The following MGMT variants were observed in gnomAD, a reference collection of about 807,000 sequenced individuals.
MGMT encodes methylated-DNA--protein-cysteine methyltransferase.
A neutral mutation model predicts 15.9 loss-of-function variants in MGMT; 14 were observed. The ratio of observed to expected loss-of-function variants is 0.88; its 90% confidence interval spans 0.58 to 1.37. The LOEUF (loss-of-function observed/expected upper bound fraction) is 1.37, where lower values mean the gene tolerates loss of function less well. MGMT is among the 40% of genes most tolerant of loss of function. The pLI, the probability that MGMT is intolerant of heterozygous loss-of-function variation, is 0.00. For synonymous variants in MGMT, 130 were observed against 118.2 expected (o/e 1.10, Z -0.65); for missense variants, 282 against 268.1 (o/e 1.05, Z -0.36).
intron 2 of MGMT, among the ~76,000 whole-genome samples, chr10:129,657,651 G>A (rs149404961): frequency 0.026 from 3,824 of 147,648 alleles, 82 homozygotes; most frequent in South Asian, 0.063. Context: ...AGCTGGGGGG[G>A]GGACAGGCTG....
chr10:129,498,292 C>T (rs138911434), intron 1 of MGMT, among the ~76,000 whole-genome samples: 4 of 152,294 alleles, frequency 2.6e-5, no homozygotes, highest in Admixed American at 1.3e-4. Flanking sequence ...GAAGTTTTCC[C>T]ATTGGTAATT....
intron 1 of MGMT, among the ~76,000 whole-genome samples, chr10:129,468,887 G>A (rs1161540121): frequency 1.3e-5 from 2 of 152,000 alleles, no homozygotes; most frequent in Non-Finnish European, 2.9e-5. Flanking sequence ...CTGTCCTGAA[G>A]GGGAAACAAA....
At chr10:129,480,536 T>G (rs1475560943) in intron 1 of MGMT, among the ~76,000 whole-genome samples, 7 of 152,164 alleles carry the variant, frequency 4.6e-5, no homozygotes, top group Non-Finnish European at 2.9e-5. Flanking sequence ...CATTTAGTAT[T>G]GGGAAGCCAT....
intron 1 of MGMT, among the ~76,000 whole-genome samples, chr10:129,510,553 TG>T (rs1845670708): frequency 6.6e-6 from 1 of 151,264 alleles, no homozygotes; most frequent in Non-Finnish European, 1.5e-5. Context: ...TGTCATGCAT[TG>T]GGGGCTTGCT....
rs371029142 is a variant in MGMT at position 129,480,916 on chromosome 10, G to A, written c.-13+13620G>A. Among the ~76,000 whole-genome samples the A allele has an allele frequency of 2.6e-4, 39 of 152,370 alleles. 1 individual carries two copies. Among genetic ancestry groups the A allele is most frequent in the South Asian group, 2.3e-3 (11 of 4,832 alleles). On this transcript the variant is annotated intron_variant, in intron 1 of 4. Transcript: ENST00000651593. ...GTTGGTAAGTTCATCAGCAGTCTCTGCCATTTGCGGAGCCCTCCTGGTGGC... is the reference window on the plus strand; with the variant it reads ...GTTGGTAAGTTCATCAGCAGTCTCTACCATTTGCGGAGCCCTCCTGGTGGC...
intron 2 of MGMT, among the ~76,000 whole-genome samples, chr10:129,538,940 T>G (rs1477261249): frequency 1.3e-5 from 2 of 152,166 alleles, no homozygotes; most frequent in Non-Finnish European, 1.5e-5. Context: ...GGCCACCTTT[T>G]GCTCATTTTA....
At position 129,708,371 on chromosome 10, in the gene MGMT, C is replaced by T. The variant is rs553553936; in HGVS notation, c.274+328C>T. ...AATTTTTCAATAAGCTTATTGTGAA[C>T]TTCAACTATCTGCTTGCCAACAGCA... On this transcript the variant is annotated intron_variant, in intron 3 of 4. Transcript: ENST00000651593. 4.6e-5 allele frequency among the ~76,000 whole-genome samples: 7 copies of T among 152,330 alleles called. No homozygotes were observed. In the East Asian group the frequency reaches 1.4e-3, roughly 29 times the overall value.
chr10:129,525,410 G>A (rs1845858293), intron 1 of MGMT, among the ~76,000 whole-genome samples: 2 of 152,154 alleles, frequency 1.3e-5, no homozygotes, highest in Admixed American at 1.3e-4. Flanking sequence ...GGGATCTGAT[G>A]TGTAGGCATC....
At chr10:129,617,804 GT>G (rs1442673347) in intron 2 of MGMT, among the ~76,000 whole-genome samples, 1 of 151,930 alleles carries the variant, frequency 6.6e-6, no homozygotes, top group Non-Finnish European at 1.5e-5. Context: ...TTGTTAATTT[GT>G]TTAAGTTCTT....
chr10:129,646,754 A>ATTTTTTTTTTT (rs1554873525), intron 2 of MGMT, among the ~76,000 whole-genome samples: 125 of 86,432 alleles, frequency 1.4e-3, no homozygotes, highest in African/African-American at 3.3e-3. Flanking sequence ...ATATATATAT[A>ATTTTTTTTTTT]TTTTCAGGGA....
chr10:129,687,481 TAC>T (rs1847918023), intron 2 of MGMT, among the ~76,000 whole-genome samples: 1 of 152,216 alleles, frequency 6.6e-6, no homozygotes, highest in African/African-American at 2.4e-5. Flanking sequence ...TTGCTGTTTT[TAC>T]AGTTGAATGC....
chr10:129,625,106 A>G (rs1014321561), intron 2 of MGMT, among the ~76,000 whole-genome samples: 6 of 152,252 alleles, frequency 3.9e-5, no homozygotes, highest in Non-Finnish European at 7.3e-5. Context: ...ATTCAAAGAT[A>G]ATGAGGATGT....
intron 2 of MGMT, among the ~76,000 whole-genome samples, chr10:129,587,894 TAA>T (rs1398192993): frequency 6.6e-6 from 1 of 152,226 alleles, no homozygotes; most frequent in Non-Finnish European, 1.5e-5. Flanking sequence ...GCTTTTCTTG[TAA>T]TTTTTGAATG....
chr10:129,588,386 T>C (rs1230990012), intron 2 of MGMT, among the ~76,000 whole-genome samples: 2 of 152,196 alleles, frequency 1.3e-5, no homozygotes, highest in Non-Finnish European at 1.5e-5. Context: ...TTGTGGTGAT[T>C]TGTTATGCAG....
intron 1 of MGMT, among the ~76,000 whole-genome samples, chr10:129,499,956 G>C (rs1194611359): frequency 6.6e-6 from 1 of 152,168 alleles, no homozygotes; most frequent in African/African-American, 2.4e-5. Flanking sequence ...TTTTTGGAAG[G>C]GAGAGAATAT....
chr10:129,737,009 A>G (rs1293670261), intron 3 of MGMT, among the ~76,000 whole-genome samples: 1 of 151,878 alleles, frequency 6.6e-6, no homozygotes, highest in Non-Finnish European at 1.5e-5. Context: ...CTTCATTTCA[A>G]CTTTGGTGAA....
intron 2 of MGMT, among the ~76,000 whole-genome samples, chr10:129,618,770 T>TCAATATAAATATATTGCTA (rs1325065788): frequency 1.9e-5 from 1 of 51,582 alleles, no homozygotes; most frequent in African/African-American, 4.1e-5. Flanking sequence ...TGCTATATTT[T>TCAATATAAATATATTGCTA]TAGTTTCAAT....
At chr10:129,640,614 C>T (rs1847317416) in intron 2 of MGMT, among the ~76,000 whole-genome samples, 1 of 152,076 alleles carries the variant, frequency 6.6e-6, no homozygotes, top group Non-Finnish European at 1.5e-5. Flanking sequence ...CTTTCCAACT[C>T]TTTTTATGAT....
chr10:129,767,036 T>A lies in MGMT; in HGVS notation c.*39T>A. 6.6e-7 allele frequency: 1 copy of A among 1,511,074 alleles called. No homozygotes were observed. Among genetic ancestry groups the A allele is most frequent in the Non-Finnish European group, 8.9e-7 (1 of 1,118,364 alleles). 93.6% of individuals were successfully genotyped at this position (1,511,074 alleles called of 1,614,324 possible). On this transcript the variant is annotated 3_prime_UTR_variant, in exon 5 of 5. Coordinates refer to ENST00000651593, the MANE Select transcript of MGMT (RefSeq NM_002412.5). ...GATGGATGTTTGAGCGACACACACG[T>A]GTAACACTGCATCGGATGCGGGGCG...
Sources: allele counts gnomAD v4.1 joint callset (sites outside exome capture counted in the v4.1 genomes callset), GRCh38; gene constraint gnomAD v4.1.1; transcripts MANE v1.5; gene names NCBI Gene and HGNC (gene_info 2026-07-23, HGNC 2026-07-21).